The following TTC34 variants were observed in gnomAD, a reference collection of about 807,000 sequenced individuals.
The protein encoded by TTC34 is tetratricopeptide repeat domain 34.
A neutral mutation model predicts 40.7 loss-of-function variants in TTC34; 44 were observed. That is an observed-to-expected ratio of 1.08 (90% confidence interval 0.85 to 1.39). The LOEUF (loss-of-function observed/expected upper bound fraction) is 1.39. TTC34 is among the 40% of genes most tolerant of loss of function. The pLI, the probability that TTC34 is intolerant of heterozygous loss-of-function variation, is 0.00. For synonymous variants in TTC34, 422 were observed against 398.6 expected, an observed-to-expected ratio of 1.06 and a Z score of -0.70; for missense variants, 884 against 838.0, an observed-to-expected ratio of 1.05 and a Z score of -0.68.
At chr1:2,655,995 G>A (rs1214636476) in intron 6 of TTC34, among the ~76,000 whole-genome samples, 140 of 147,144 alleles carry the variant, frequency 9.5e-4, no homozygotes, top group Admixed American at 3.5e-3. Flanking sequence ...GCATCTGAAC[G>A]CACGGAGCAG....
At chr1:2,656,419 C>G (rs1268306378) in intron 6 of TTC34, among the ~76,000 whole-genome samples, 4 of 56,630 alleles carry the variant, frequency 7.1e-5, no homozygotes, top group African/African-American at 1.3e-4. Flanking sequence ...CCCACACCCC[C>G]AGGTGAGCAT....
chr1:2,650,138 AGGT>A, intron 6 of TTC34, among the ~76,000 whole-genome samples: 2 of 149,992 alleles, frequency 1.3e-5, no homozygotes, highest in African/African-American at 2.5e-5. Context: ...CTACACCCTC[AGGT>A]GAGCTTCTGA....
chr1:2,651,358 T>C (rs1639128577), intron 6 of TTC34, among the ~76,000 whole-genome samples: 1 of 151,280 alleles, frequency 6.6e-6, no homozygotes, highest in Non-Finnish European at 1.5e-5. Context: ...CCCAAACCCA[T>C]AGATGAGTAT....
At chr1:2,652,420 T>C (rs1235337966) in intron 6 of TTC34, among the ~76,000 whole-genome samples, 7 of 152,126 alleles carry the variant, frequency 4.6e-5, no homozygotes, top group African/African-American at 1.2e-4. Context: ...AGTGAGCATC[T>C]GACAGCCTGG....
chr1:2,692,744 AC>A (rs1383836789), intron 6 of TTC34, among the ~76,000 whole-genome samples: 6 of 110,890 alleles, frequency 5.4e-5, no homozygotes, highest in African/African-American at 2.5e-4. Context: ...AGCACCCTGC[AC>A]CCCCAGGTGA....
chr1:2,789,429 G>A (rs1043388935), intron 3 of TTC34, 74 bp downstream of exon 3: 2 of 1,387,468 alleles, frequency 1.4e-6, no homozygotes, highest in Non-Finnish European at 1.9e-6. Flanking sequence ...AAAATAGGAG[G>A]AAACACATCC....
exon 3 of TTC34, chr1:2,789,733 C>A (rs1218444464): frequency 2.4e-6 from 2 of 829,682 alleles, no homozygotes; most frequent in Non-Finnish European, 3.4e-6. Flanking sequence ...ACGCGCTGCC[C>A]GCCAGCACCC....
At chr1:2,694,170 C>G (rs1460443883) in intron 6 of TTC34, among the ~76,000 whole-genome samples, 120 of 146,670 alleles carry the variant, frequency 8.2e-4, no homozygotes, top group East Asian at 2.1e-3. Context: ...CATCTGACGG[C>G]CTGGAACGGC....
exon 3 of TTC34, chr1:2,789,994 C>T (rs1179759192): frequency 2.0e-5 from 8 of 393,270 alleles, no homozygotes; most frequent in Admixed American, 8.9e-5. Context: ...GCAGCAGGCA[C>T]TCGGCGAGGC....
intron 6 of TTC34, among the ~76,000 whole-genome samples, chr1:2,677,053 C>CAGT (rs1639932193): frequency 3.1e-5 from 2 of 63,762 alleles, no homozygotes; most frequent in Non-Finnish European, 6.8e-5. Context: ...CCCACAACCC[C>CAGT]AAGTGAGCAT....
In TTC34 at chr1:2,755,008, C is replaced by A. The variant is rs1168657376; in HGVS notation, c.2226+28601G>T. On this transcript the variant is annotated intron_variant, in intron 6 of 8. Transcript: ENST00000401095. Reference sequence around the variant, plus strand: ...CAGGCGAGCATCTCACAGCACGTAACAGCACCCACACACCCAAGTGAGCAT... The same window carrying A: ...CAGGCGAGCATCTCACAGCACGTAAAAGCACCCACACACCCAAGTGAGCAT... Among the ~76,000 whole-genome samples, 5 of 64,118 alleles carry A rather than the reference C, an allele frequency of 7.8e-5. 1 individual carries two copies. Among genetic ancestry groups the A allele is most frequent in the Non-Finnish European group, 1.3e-4 (5 of 38,448 alleles). 42.1% of individuals were successfully genotyped at this position (64,118 alleles called of 152,430 possible).
intron 6 of TTC34, among the ~76,000 whole-genome samples, chr1:2,690,339 C>A (rs574884028): frequency 4.5e-3 from 680 of 149,616 alleles, no homozygotes; most frequent in African/African-American, 9.0e-3. Context: ...AGCACCCATA[C>A]CCCCAGGCGA....
chr1:2,657,437 G>C (rs572601319), intron 6 of TTC34, among the ~76,000 whole-genome samples: 31 of 88,598 alleles, frequency 3.5e-4, no homozygotes, highest in African/African-American at 1.0e-3. Context: ...GCGAGCATCT[G>C]AACTCATGGA....
intron 6 of TTC34, among the ~76,000 whole-genome samples, chr1:2,651,325 G>C (rs1639127928): frequency 6.6e-6 from 1 of 152,150 alleles, no homozygotes; most frequent in South Asian, 2.1e-4. Flanking sequence ...CGGCAGGTGA[G>C]CATCTGACAG....
intron 2 of TTC34, among the ~76,000 whole-genome samples, chr1:2,791,587 A>G (rs1042253609): frequency 1.2e-4 from 19 of 152,262 alleles, no homozygotes; most frequent in Admixed American, 2.6e-4. Flanking sequence ...TCGTGCCCTG[A>G]GACTAGCCAT....
intron 6 of TTC34, among the ~76,000 whole-genome samples, chr1:2,777,930 A>G (rs1259092526): frequency 1.3e-5 from 2 of 152,196 alleles, no homozygotes; most frequent in African/African-American, 4.8e-5. Flanking sequence ...TTGTGGCCAC[A>G]TCCAGCTGTT....
chr1:2,768,500 C>T (rs1641870967), intron 6 of TTC34, among the ~76,000 whole-genome samples: 1 of 151,216 alleles, frequency 6.6e-6, no homozygotes, highest in Non-Finnish European at 1.5e-5. Context: ...GCTCCCCGCC[C>T]TCAGGTGAGT....
chr1:2,638,446 A>G (rs1351681279), exon 9 of TTC34: 4 of 152,244 alleles, frequency 2.6e-5, no homozygotes, highest in Non-Finnish European at 2.9e-5. Context: ...CTGGCGGTCT[A>G]CAGTTAATGA....
At chr1:2,654,011 C>G (rs1639245280) in intron 6 of TTC34, among the ~76,000 whole-genome samples, 9 of 151,624 alleles carry the variant, frequency 5.9e-5, no homozygotes, top group Admixed American at 2.0e-4. Flanking sequence ...TGCCCACACC[C>G]CCAGGCGAGC....
Sources: allele counts gnomAD v4.1 joint callset (sites outside exome capture counted in the v4.1 genomes callset), GRCh38; gene constraint gnomAD v4.1.1; transcripts MANE v1.5; gene names NCBI Gene and HGNC (gene_info 2026-07-23, HGNC 2026-07-21).